TMEM63C: variants seen among roughly 807,000 people sequenced by gnomAD.
The protein encoded by TMEM63C is transmembrane protein 63C.
A neutral mutation model predicts 99.2 loss-of-function variants in TMEM63C; 32 were observed. That is an observed-to-expected ratio of 0.32 (90% confidence interval 0.24 to 0.43). The LOEUF (loss-of-function observed/expected upper bound fraction) is 0.43. Among genes scored for constraint, TMEM63C ranks in the 20% least tolerant of loss-of-function variants. TMEM63C has a pLI of 1.00. For missense variants in TMEM63C, 826 were observed against 1,053.0 expected, an observed-to-expected ratio of 0.78 and a Z score of 2.98; for synonymous variants, 376 against 397.9, an observed-to-expected ratio of 0.94 and a Z score of 0.66.
In TMEM63C at chr14:77,242,434, G is replaced by T. The variant is rs765545977; in HGVS notation, c.1152G>T (p.Arg384Ser). The T allele has an allele frequency of 1.9e-6, 3 of 1,613,846 alleles. No homozygotes were observed. In the South Asian group the frequency reaches 3.3e-5, roughly 18 times the overall value. The stretch of plus-strand genomic sequence containing the variant: ...CCATCGTCAAATCATATTACTGGAG[G>T]GTCACTATGGCCCCACACCCCAAAG... ...VTTIVKSYYW[R>S]VTMAPHPKDI... The change falls in exon 14 of 24, where the codon AGG becomes AGT. Residue 384 changes from arginine to serine, a missense_variant. Coordinates refer to ENST00000298351, the MANE Select transcript of TMEM63C (RefSeq NM_020431.4).
In TMEM63C at chr14:77,244,462, T is replaced by G. The variant is rs1477036494; in HGVS notation, c.1448+7T>G. On this transcript the variant is annotated splice_region_variant and intron_variant, in intron 16 of 23. Transcript: ENST00000298351. ...TCGAGGCCCACTGGACCAGGTGACC[T>G]GGGGGCCTCCTCTCGTAGCCCTGTG... The G allele has an allele frequency of 6.2e-7, 1 of 1,608,338 alleles. No homozygotes were observed. The highest frequency in any genetic ancestry group is 1.3e-5 in the African/African-American group (1 of 74,932).
At chr14:77,201,819 G>A (rs183191650) in intron 1 of TMEM63C, among the ~76,000 whole-genome samples, 26 of 152,326 alleles carry the variant, frequency 1.7e-4, no homozygotes, top group Non-Finnish European at 2.6e-4. Flanking sequence ...CTTCTCTGCT[G>A]AAGGCTTCCA....
chr14:77,196,570 C>T (rs1341849623), intron 1 of TMEM63C, among the ~76,000 whole-genome samples: 1 of 152,164 alleles, frequency 6.6e-6, no homozygotes, highest in African/African-American at 2.4e-5. Flanking sequence ...TGGTTCTTTG[C>T]CCAGCTGACT....
chr14:77,220,016 C>T lies in TMEM63C; in HGVS notation c.241C>T (p.Leu81=), dbSNP rs1472567208. 1 of 1,559,224 alleles carries T rather than the reference C, an allele frequency of 6.4e-7. No individual in the cohort carries two copies. Among genetic ancestry groups the T allele is most frequent in the African/African-American group, 1.4e-5 (1 of 73,506 alleles). ...TTCCCTGGCTGGCAGCCTGACCTCG[C>T]TGATCTATGGGGAGCAGAGCGAGAA... is the stretch of plus-strand genomic sequence containing the variant. ...LLIHNDSLTS[L]IYGEQSEKTS... Residue 81 remains leucine (L), a synonymous_variant, in exon 5 of 24, where the codon CTG becomes TTG. Coordinates refer to ENST00000298351, the MANE Select transcript of TMEM63C (RefSeq NM_020431.4).
At chr14:77,220,883 C>T (rs112492642) in intron 5 of TMEM63C, among the ~76,000 whole-genome samples, 7,401 of 95,962 alleles carry the variant, frequency 0.077, 795 homozygotes, top group East Asian at 0.2. Context: ...CCCACTCACG[C>T]CCCGCCTCCC....
chr14:77,245,830 G>T, intron 16 of TMEM63C, 110 bp from the exon 17 acceptor site: 1 of 807,620 alleles, frequency 1.2e-6, no homozygotes, highest in South Asian at 1.4e-5. Context: ...TTTGGGTGGG[G>T]ACACAGAGCC....
intron 1 of TMEM63C, among the ~76,000 whole-genome samples, chr14:77,197,940 C>T (rs1488925778): frequency 1.3e-5 from 2 of 152,198 alleles, no homozygotes; most frequent in African/African-American, 4.8e-5. Context: ...TCTGCCTCCC[C>T]AGCCATAGCC....
chr14:77,229,060 C>T (rs1449463221), intron 6 of TMEM63C, among the ~76,000 whole-genome samples: 1 of 152,130 alleles, frequency 6.6e-6, no homozygotes, highest in Non-Finnish European at 1.5e-5. Context: ...AAGAGCAGTG[C>T]ATCAAATGCT....
chr14:77,219,869 C>A, intron 4 of TMEM63C, 137 bp from the exon 5 acceptor site: 1 of 777,716 alleles, frequency 1.3e-6, no homozygotes, highest in Non-Finnish European at 2.1e-6. Context: ...GCTGTGTGCT[C>A]AGCAAAGGAG....
At chr14:77,187,288 G>T (rs181620616) in intron 1 of TMEM63C, among the ~76,000 whole-genome samples, 1 of 152,322 alleles carries the variant, frequency 6.6e-6, no homozygotes, top group East Asian at 1.9e-4. Context: ...TTTTGCTGAA[G>T]TTGCTTGAGA....
intron 17 of TMEM63C, 130 bp downstream of exon 17, chr14:77,246,156 C>A: frequency 1.3e-6 from 1 of 765,906 alleles, no homozygotes; most frequent in Non-Finnish European, 2.3e-6. Context: ...CCATGCCTGT[C>A]ATGGGTGTAG....
chr14:77,242,110 C>T (rs1256488930), intron 13 of TMEM63C, among the ~76,000 whole-genome samples: 1 of 152,234 alleles, frequency 6.6e-6, no homozygotes. Context: ...GGCACCTCTG[C>T]CCTGCCTGGG....
intron 9 of TMEM63C, among the ~76,000 whole-genome samples, chr14:77,238,127 C>T (rs566641124): frequency 1.2e-4 from 18 of 152,262 alleles, no homozygotes; most frequent in African/African-American, 4.3e-4. Context: ...AAGGTGACGA[C>T]CCAGGAAGAT....
chr14:77,204,730 G>A (rs1222273982), intron 1 of TMEM63C, among the ~76,000 whole-genome samples: 1 of 152,206 alleles, frequency 6.6e-6, no homozygotes, highest in African/African-American at 2.4e-5. Flanking sequence ...CCATTGCAAT[G>A]TGCTAGGCAC....
chr14:77,256,012 A>G (rs745482), intron 23 of TMEM63C, among the ~76,000 whole-genome samples: 17,239 of 152,224 alleles, frequency 0.11, 1,213 homozygotes, highest in Middle Eastern at 0.19. Context: ...GTGTTTTTCT[A>G]TCTGCTGCCG....
intron 9 of TMEM63C, 134 bp from the exon 10 acceptor site, chr14:77,238,560 T>C (rs908030013): frequency 4.3e-6 from 3 of 703,114 alleles, no homozygotes; most frequent in Non-Finnish European, 7.3e-6. Flanking sequence ...TTCTTGGCTC[T>C]CTCAGCAAGG....
At chr14:77,197,392 C>T (rs922077800) in intron 1 of TMEM63C, among the ~76,000 whole-genome samples, 9 of 152,220 alleles carry the variant, frequency 5.9e-5, no homozygotes, top group African/African-American at 1.2e-4. Context: ...CCCAGCCCTA[C>T]GCCAGACTCT....
chr14:77,236,964 TCCACCC>T (rs1889072932), intron 9 of TMEM63C, among the ~76,000 whole-genome samples: 1 of 92,424 alleles, frequency 1.1e-5, no homozygotes, highest in Non-Finnish European at 2.1e-5. Flanking sequence ...TCCACGCTGC[TCCACCC>T]TCTCACGCTC....
chr14:77,239,598 G>A lies in TMEM63C; in HGVS notation c.807-5G>A. ...GGTCCTTCTCCTGTTGCCCACCGCT[G>A]GCAGGCGCCATGCCATGCGGGGCCG... On this transcript the variant is annotated splice_region_variant and splice_polypyrimidine_tract_variant and intron_variant, in intron 11 of 23. Transcript: ENST00000298351. The A allele has an allele frequency of 6.2e-7, 1 of 1,613,386 alleles. No homozygotes were observed. Among genetic ancestry groups the A allele is most frequent in the Non-Finnish European group, 8.5e-7 (1 of 1,179,744 alleles).
Sources: allele counts gnomAD v4.1 joint callset (sites outside exome capture counted in the v4.1 genomes callset), GRCh38; gene constraint gnomAD v4.1.1; transcripts MANE v1.5; gene names NCBI Gene and HGNC (gene_info 2026-07-23, HGNC 2026-07-21).